Variants in APOL1 observed in about 807,000 individuals in gnomAD.
The protein encoded by APOL1 is apolipoprotein L 1.
A neutral mutation model predicts 14.9 loss-of-function variants in APOL1; 17 were observed. That is an observed-to-expected ratio of 1.14 (90% CI 0.78 to 1.71). APOL1 has a LOEUF of 1.71. Among genes scored for constraint, APOL1 ranks in the 40% most tolerant of loss-of-function variants. The pLI, the probability that APOL1 is intolerant of heterozygous loss-of-function variation, is 0.00. For missense variants in APOL1, 523 were observed against 485.9 expected, an observed-to-expected ratio of 1.08 and a Z score of -0.72; for synonymous variants, 195 against 184.8, an observed-to-expected ratio of 1.05 and a Z score of -0.45.
intron 4 of APOL1, among the ~76,000 whole-genome samples, chr22:36,260,932 T>A (rs144226395): frequency 7.9e-5 from 12 of 152,380 alleles, no homozygotes; most frequent in Non-Finnish European, 1.6e-4. Context: ...GTGTTGATAT[T>A]CACATTTTGA....
At chr22:36,258,854 G>A (rs2015981944) in intron 4 of APOL1, among the ~76,000 whole-genome samples, 1 of 152,154 alleles carries the variant, frequency 6.6e-6, no homozygotes, top group South Asian at 2.1e-4. Context: ...AGTGAGACAA[G>A]GAGGGTATGA....
chr22:36,257,013 G>C, intron 2 of APOL1, 70 bp from the exon 3 acceptor site: 1 of 1,545,676 alleles, frequency 6.5e-7, no homozygotes. Context: ...TCTGTGTATA[G>C]ACTCTGTAGT....
At position 36,254,560 on chromosome 22, in the gene APOL1, G is replaced by C. The variant is rs571954513; in HGVS notation, c.-19-377G>C. ...GCAGCCTGGGTGACAGAGCAAAACT[G>C]TTTATTAAAAACTAAACGAAAGGCC... On this transcript the variant is annotated intron_variant, in intron 1 of 5. Coordinates refer to ENST00000397278, the MANE Select transcript of APOL1 (RefSeq NM_003661.4). 2.0e-5 allele frequency among the ~76,000 whole-genome samples: 3 copies of C among 151,982 alleles called. No homozygotes were observed. The East Asian group carries it at 5.8e-4, about 29-fold the overall frequency.
Position 36,266,169 on chromosome 22 carries a change from C to A in APOL1, c.*136C>A. 2 of 969,640 alleles carry A rather than the reference C, an allele frequency of 2.1e-6. No individual in the cohort carries two copies. The highest frequency in any genetic ancestry group is 3.0e-6 in the Non-Finnish European group (2 of 670,490). The allele number at this position is 969,640 out of a possible 1,614,324, so 60.1% of individuals were successfully genotyped here. A position where few individuals can be genotyped will look rare whatever the true frequency, so the allele number is the denominator to read the frequency against. ...GCAATGGTGCGATCTCAGCTCACTG[C>A]AAGCTCTGCCTCCCGTGTTCAAGCG... On this transcript the variant is annotated 3_prime_UTR_variant, in exon 6 of 6. Coordinates refer to ENST00000397278, the MANE Select transcript of APOL1 (RefSeq NM_003661.4).
intron 1 of APOL1, chr22:36,254,030 G>T: frequency 1.2e-6 from 2 of 1,610,624 alleles, no homozygotes; most frequent in Non-Finnish European, 1.7e-6. Context: ...AGATCTCTGT[G>T]TTCATAGAAG....
intron 1 of APOL1, 130 bp downstream of exon 1, chr22:36,253,349 G>A: frequency 3.9e-6 from 1 of 257,716 alleles, no homozygotes; most frequent in Non-Finnish European, 7.8e-6. Flanking sequence ...ACCCAGGCTT[G>A]AGTCTGATTG....
rs2239785 is a variant in APOL1, at chr22:36,265,284, G to C, written c.448G>C (p.Glu150Gln). ...FLKEFPRLKSELEDNIRRLRA... is the reference protein window; with the variant it reads ...FLKEFPRLKSQLEDNIRRLRA... ...GAAAGAGTTTCCTCGGTTGAAAAGT[G>C]AGCTTGAGGATAACATAAGAAGGCT... Residue 150 changes from glutamate (E) to glutamine (Q), a missense_variant, in exon 6 of 6, where the codon GAG becomes CAG. By Grantham distance (29) the Glu-to-Gln change is conservative. Transcript: ENST00000397278. 1 of 1,613,744 alleles carries C rather than the reference G, an allele frequency of 6.2e-7. No homozygotes were observed. The highest frequency in any genetic ancestry group is 8.5e-7 in the Non-Finnish European group (1 of 1,179,938).
intron 1 of APOL1, among the ~76,000 whole-genome samples, chr22:36,254,592 G>T (rs1289059834): frequency 6.6e-6 from 1 of 152,108 alleles, no homozygotes; most frequent in African/African-American, 2.4e-5. Flanking sequence ...GGCCGGGCGC[G>T]GTGGCTCACG....
chr22:36,265,899 G>C lies in APOL1; in HGVS notation c.1063G>C (p.Glu355Gln). 1 of 1,614,148 alleles carries C rather than the reference G, an allele frequency of 6.2e-7. No homozygotes were observed. Among genetic ancestry groups the C allele is most frequent in the Non-Finnish European group, 8.5e-7 (1 of 1,180,026 alleles). ...GCTGGATGTAGTCTACCTCGTGTAC[G>C]AATCAAAGCACTTACATGAGGGGGC... is the stretch of plus-strand genomic sequence containing the variant. ...LVLDVVYLVY[E>Q]SKHLHEGAKS... Residue 355 changes from glutamate to glutamine, a missense_variant, in exon 6 of 6, where the codon GAA (glutamate) becomes CAA (glutamine). By Grantham distance (29) the Glu-to-Gln change is conservative (BLOSUM62 2). Coordinates refer to ENST00000397278, the MANE Select transcript of APOL1 (RefSeq NM_003661.4).
chr22:36,257,702 G>GA, intron 4 of APOL1: 1 of 308,842 alleles, frequency 3.2e-6, no homozygotes, highest in Non-Finnish European at 6.3e-6. Context: ...TCAGCGGGGG[G>GA]GGGGGGGAGT....
rs1395050343 is a variant in APOL1, at chr22:36,253,214, T to G, written c.-25T>G. On this transcript the variant is annotated 5_prime_UTR_variant, in exon 1 of 6. In the 5' UTR this introduces an upstream ATG that the reference lacks. Transcript: ENST00000397278. ...TGCTCAGTCTCTGCCAGGGGAAGATTCCTTGGTAAGTTGGGGACAGTTGAC... is the reference window on the plus strand; with the variant it reads ...TGCTCAGTCTCTGCCAGGGGAAGATGCCTTGGTAAGTTGGGGACAGTTGAC... The G allele has an allele frequency of 4.2e-6, 2 of 472,016 alleles. No homozygotes were observed. Among genetic ancestry groups the G allele is most frequent in the Non-Finnish European group, 8.4e-6 (2 of 237,572 alleles). The allele number at this position is 472,016 out of a possible 1,614,324, so 29.2% of individuals were successfully genotyped here.
At chr22:36,255,435 C>T (rs200194034) in intron 2 of APOL1, among the ~76,000 whole-genome samples, 12 of 151,440 alleles carry the variant, frequency 7.9e-5, no homozygotes, top group African/African-American at 2.7e-4. Context: ...AGGAAGAAGG[C>T]GAAGGGATGC....
At chr22:36,258,137 G>A (rs1287310620) in intron 4 of APOL1, among the ~76,000 whole-genome samples, 1 of 152,142 alleles carries the variant, frequency 6.6e-6, no homozygotes, top group African/African-American at 2.4e-5. Context: ...ATTCCAGGTG[G>A]AAGCCACCCC....
intron 4 of APOL1, among the ~76,000 whole-genome samples, chr22:36,260,118 G>A (rs956811720): frequency 1.4e-4 from 21 of 152,186 alleles, no homozygotes; most frequent in Non-Finnish European, 2.2e-4. Flanking sequence ...TGAGGTGGCC[G>A]GGCACTGTGG....
At chr22:36,255,259 T>G (rs1283710153) in intron 2 of APOL1, among the ~76,000 whole-genome samples, 3 of 152,198 alleles carry the variant, frequency 2.0e-5, no homozygotes, top group Non-Finnish European at 4.4e-5. Context: ...CCAAGGAGGA[T>G]GGGATCCAGG....
intron 2 of APOL1, 90 bp downstream of exon 2, chr22:36,255,089 C>G: frequency 1.4e-6 from 2 of 1,460,224 alleles, no homozygotes; most frequent in Non-Finnish European, 1.9e-6. Context: ...CCAGGGCCAT[C>G]TGGGCTTCTT....
rs371280258 is a variant in APOL1, at chr22:36,265,972, A to C, written c.1136A>C (p.Glu379Ala). The C allele has an allele frequency of 6.2e-7, 1 of 1,613,812 alleles. No homozygotes were observed. Among genetic ancestry groups the C allele is most frequent in the Non-Finnish European group, 8.5e-7 (1 of 1,179,992 alleles). ...EELKKVAQEL[E>A]EKLNILNNNY... The stretch of plus-strand genomic sequence containing the variant: ...CTGAAGAAGGTGGCTCAGGAGCTGG[A>C]GGAGAAGCTAAACATTCTCAACAAT... The change falls in exon 6 of 6, where the codon GAG (glutamate) becomes GCG (alanine). Residue 379 changes from glutamate (E) to alanine (A), a missense_variant. Physicochemically the swap from Glu to Ala is moderately radical, Grantham distance 107. Coordinates refer to ENST00000397278, the MANE Select transcript of APOL1 (RefSeq NM_003661.4).
chr22:36,255,070 TG>T (rs2015821571), intron 2 of APOL1, 71 bp downstream of exon 2: 1 of 1,546,610 alleles, frequency 6.5e-7, no homozygotes, highest in African/African-American at 1.4e-5. Flanking sequence ...GGACTGGGCT[TG>T]GGCTGGGCCA....
intron 5 of APOL1, among the ~76,000 whole-genome samples, chr22:36,264,568 A>G (rs136167): frequency 0.86 from 130,173 of 152,130 alleles, 56,036 homozygotes; most frequent in African/African-American, 0.95. Flanking sequence ...CTGCCCTTGA[A>G]TGAGGAGGCA....
Sources: gnomAD v4.1 joint callset for allele counts (sites outside exome capture counted in the v4.1 genomes callset) on GRCh38, gnomAD v4.1.1 for gene constraint, MANE v1.5 for transcripts, NCBI Gene and HGNC (gene_info 2026-07-23, HGNC 2026-07-21) for gene names.